Variants in PCDH15 observed in about 807,000 individuals in gnomAD.
PCDH15 encodes the protein protocadherin-15.
PCDH15 carries 129 observed loss-of-function variants against 178.5 expected under a neutral mutation model. The observed-to-expected ratio is 0.72, with a 90% CI of 0.63 to 0.84. The LOEUF is 0.84. PCDH15 is among the 40% of genes least tolerant of loss of function. The pLI is 0.00. For synonymous variants in PCDH15, 800 were observed against 732.0 expected (o/e 1.09, Z -1.50); for missense variants, 2,230 against 2,099.9 (o/e 1.06, Z -1.21).
intron 1 of PCDH15, among the ~76,000 whole-genome samples, chr10:54,694,677 C>T (rs1313709627): frequency 6.6e-6 from 1 of 151,868 alleles, no homozygotes; most frequent in Non-Finnish European, 1.5e-5. Flanking sequence ...TGATTTGGGC[C>T]ACCACAAACC....
intron 2 of PCDH15, among the ~76,000 whole-genome samples, chr10:55,121,747 C>T (rs1316692941): frequency 1.3e-5 from 2 of 152,006 alleles, no homozygotes; most frequent in African/African-American, 2.4e-5. Context: ...GTCCTTTTGT[C>T]TTTCTGTCTT....
chr10:53,905,581 C>T (rs1350714791), intron 25 of PCDH15, among the ~76,000 whole-genome samples: 1 of 152,144 alleles, frequency 6.6e-6, no homozygotes, highest in Non-Finnish European at 1.5e-5. Flanking sequence ...AGGTGATTCA[C>T]CCACCTCGGC....
At chr10:55,383,405 G>T (rs1200575204) in intron 2 of PCDH15, among the ~76,000 whole-genome samples, 1 of 151,970 alleles carries the variant, frequency 6.6e-6, no homozygotes, top group Non-Finnish European at 1.5e-5. Flanking sequence ...GGGTGGTTTT[G>T]GAAAAAGCAA....
intron 8 of PCDH15, among the ~76,000 whole-genome samples, chr10:54,272,862 T>C (rs2058127517): frequency 6.6e-6 from 1 of 152,136 alleles, no homozygotes; most frequent in Admixed American, 6.6e-5. Context: ...AAATGTAAAA[T>C]GTTAACGAAA....
At chr10:55,073,274 A>G (rs1309373168) in intron 2 of PCDH15, among the ~76,000 whole-genome samples, 1 of 152,052 alleles carries the variant, frequency 6.6e-6, no homozygotes, top group East Asian at 1.9e-4. Context: ...GAAGGAAATA[A>G]AGGGTATTCA....
rs1842028260 is a variant in PCDH15 at position 55,081,035 on chromosome 10, G to T, written c.-80+85541C>A. ...TAGCCCCAGACAAGGAGCTTTGGGGGTCTCCAGATCAGTGCCCATGCTAGT... is the reference window on the plus strand; with the variant it reads ...TAGCCCCAGACAAGGAGCTTTGGGGTTCTCCAGATCAGTGCCCATGCTAGT... On this transcript the variant is annotated intron_variant, in intron 2 of 5. Transcript: ENST00000458638. 3.9e-5 allele frequency among the ~76,000 whole-genome samples: 6 copies of T among 152,094 alleles called. No individual in the cohort carries two copies. In the South Asian group the frequency reaches 1.2e-3, roughly 32 times the overall value.
chr10:53,814,186 C>T (rs1358309113), intron 35 of PCDH15, among the ~76,000 whole-genome samples: 1 of 152,122 alleles, frequency 6.6e-6, no homozygotes, highest in East Asian at 1.9e-4. Context: ...CTAATATTTT[C>T]AAACTGCTTG....
chr10:54,060,915 T>C (rs528960525), intron 18 of PCDH15, among the ~76,000 whole-genome samples: 2 of 152,250 alleles, frequency 1.3e-5, no homozygotes, highest in South Asian at 2.1e-4. Flanking sequence ...CAGTCCAGTA[T>C]AAAACAGGCT....
At chr10:54,096,923 A>G (rs1399450810) in intron 15 of PCDH15, among the ~76,000 whole-genome samples, 5 of 152,206 alleles carry the variant, frequency 3.3e-5, no homozygotes, top group Admixed American at 6.5e-5. Flanking sequence ...TGACAAATCA[A>G]TGTTTCCAGT....
intron 2 of PCDH15, among the ~76,000 whole-genome samples, chr10:55,395,922 A>G (rs1415120020): frequency 2.6e-5 from 4 of 152,186 alleles, no homozygotes; most frequent in African/African-American, 9.6e-5. Context: ...ATTAAAATTT[A>G]GAGAAATGTT....
intron 9 of PCDH15, among the ~76,000 whole-genome samples, chr10:54,224,810 T>G (rs1452625860): frequency 1.3e-5 from 2 of 152,116 alleles, no homozygotes; most frequent in African/African-American, 4.8e-5. Flanking sequence ...TAGTGCATTC[T>G]TTGATAATTC....
At chr10:54,011,180 C>A (rs1442931305) in intron 20 of PCDH15, among the ~76,000 whole-genome samples, 1 of 152,140 alleles carries the variant, frequency 6.6e-6, no homozygotes, top group African/African-American at 2.4e-5. Flanking sequence ...CACCCAGGGA[C>A]AACCGAAAGC....
chr10:55,283,936 T>C (rs1307442049), intron 1 of PCDH15, among the ~76,000 whole-genome samples: 3 of 151,680 alleles, frequency 2.0e-5, no homozygotes, highest in Admixed American at 2.0e-4. Context: ...CTATTTGTTC[T>C]GTAAACTATG....
chr10:55,325,574 T>C (rs1422877338), intron 2 of PCDH15, among the ~76,000 whole-genome samples: 1 of 152,088 alleles, frequency 6.6e-6, no homozygotes, highest in East Asian at 1.9e-4. Flanking sequence ...CAACTCAAAA[T>C]GGATTGAAGA....
intron 1 of PCDH15, among the ~76,000 whole-genome samples, chr10:54,790,522 A>G (rs1264107266): frequency 2.0e-5 from 3 of 151,654 alleles, no homozygotes; most frequent in Non-Finnish European, 4.4e-5. Context: ...GATTTATGAA[A>G]CCTTCTTTGC....
chr10:55,430,836 A>G (rs1436091844), intron 2 of PCDH15, among the ~76,000 whole-genome samples: 1 of 152,168 alleles, frequency 6.6e-6, no homozygotes, highest in Non-Finnish European at 1.5e-5. Context: ...TTTAGTTAAT[A>G]ATTATATTAG....
chr10:54,428,737 T>C (rs1956599097), intron 3 of PCDH15, among the ~76,000 whole-genome samples: 1 of 152,146 alleles, frequency 6.6e-6, no homozygotes, highest in African/African-American at 2.4e-5. Context: ...CTTCAGTATA[T>C]CTGGCAGCAG....
chr10:55,253,676 A>G (rs1841908656), intron 1 of PCDH15, among the ~76,000 whole-genome samples: 1 of 152,136 alleles, frequency 6.6e-6, no homozygotes, highest in African/African-American at 2.4e-5. Context: ...CTATTCTTGT[A>G]AAGTATATGG....
chr10:54,189,257 G>A (rs2048748466), intron 11 of PCDH15: 5 of 770,572 alleles, frequency 6.5e-6, no homozygotes, highest in Admixed American at 2.2e-5. Flanking sequence ...CCTTATAAGG[G>A]ATAATGAAGT....
Sources: allele counts gnomAD v4.1 joint callset (sites outside exome capture counted in the v4.1 genomes callset), GRCh38; gene constraint gnomAD v4.1.1; transcripts MANE v1.5; gene names NCBI Gene and HGNC (gene_info 2026-07-23, HGNC 2026-07-21).